The following SLC45A4 variants were observed in gnomAD, a reference collection of about 807,000 sequenced individuals.
SLC45A4 encodes the protein polyamine-transporter SLC45A4.
A neutral mutation model predicts 63.7 loss-of-function variants in SLC45A4; 32 were observed. The ratio of observed to expected loss-of-function variants is 0.50; its 90% CI spans 0.38 to 0.67. The LOEUF is 0.67. Among genes scored for constraint, SLC45A4 ranks in the 30% least tolerant of loss-of-function variants. The pLI, the probability that SLC45A4 is intolerant of heterozygous loss-of-function variation, is 0.00. For synonymous variants in SLC45A4, 535 were observed against 510.0 expected, an observed-to-expected ratio of 1.05 and a Z score of -0.66; for missense variants, 1,027 against 1,157.7, an observed-to-expected ratio of 0.89 and a Z score of 1.64.
chr8:141,259,949 C>T (rs374099087), intron 1 of SLC45A4, among the ~76,000 whole-genome samples: 57 of 152,334 alleles, frequency 3.7e-4, no homozygotes, highest in African/African-American at 1.3e-3. Flanking sequence ...CCATTCCCCA[C>T]CCCACCAGCT....
Position 141,218,837 on chromosome 8 carries a change from T to TC in SLC45A4, c.802dup (p.Glu268GlyfsTer109). On this transcript the variant is annotated frameshift_variant, in exon 5 of 9. Coordinates refer to ENST00000517878, the MANE Select transcript of SLC45A4 (RefSeq NM_001286646.2). LOFTEE classifies it high-confidence loss of function. ...CTCGCCCCCATCCAGGGCGCCGGGC[T>TC]CCTCAGCGCTGCGCTCCTGCTGCGG... 1 of 1,613,168 alleles carries TC rather than the reference T, an allele frequency of 6.2e-7. No homozygotes were observed. Among genetic ancestry groups the TC allele is most frequent in the Non-Finnish European group, 8.5e-7 (1 of 1,179,862 alleles).
rs1269784967 is a variant in SLC45A4 at position 141,271,708 on chromosome 8, T to C, written c.-400-17079A>G. Among the ~76,000 whole-genome samples, 8 of 152,316 alleles carry C rather than the reference T, an allele frequency of 5.3e-5. No homozygotes were observed. The South Asian group carries it at 1.2e-3, about 24-fold the overall frequency. On this transcript the variant is annotated intron_variant, in intron 1 of 8. Coordinates refer to ENST00000517878, the MANE Select transcript of SLC45A4 (RefSeq NM_001286646.2). ...AGCCACTCTCACAGATATGATCATA[T>C]GTCAGGGGAAGTCCGCAGTTCACCA...
At chr8:141,233,604 T>G (rs958618893) in intron 2 of SLC45A4, among the ~76,000 whole-genome samples, 12 of 152,284 alleles carry the variant, frequency 7.9e-5, no homozygotes, top group Non-Finnish European at 1.3e-4. Context: ...CAAGCATTGC[T>G]TGAACCCGGG....
intron 2 of SLC45A4, among the ~76,000 whole-genome samples, chr8:141,228,902 A>G (rs1827188569): frequency 6.6e-6 from 1 of 152,002 alleles, no homozygotes; most frequent in African/African-American, 2.4e-5. Flanking sequence ...ACTCAGAGAA[A>G]AGGCTCTGTC....
chr8:141,249,986 G>A (rs527676570), intron 2 of SLC45A4, among the ~76,000 whole-genome samples: 1 of 152,244 alleles, frequency 6.6e-6, no homozygotes, highest in South Asian at 2.1e-4. Context: ...ACTCTGTAAT[G>A]CTCAGGGTCA....
intron 2 of SLC45A4, among the ~76,000 whole-genome samples, chr8:141,241,912 C>G (rs1827937026): frequency 6.6e-6 from 1 of 152,258 alleles, no homozygotes; most frequent in African/African-American, 2.4e-5. Flanking sequence ...TGCCGGGACA[C>G]AGATGGCAGC....
chr8:141,214,948 C>G (rs1358634773), intron 7 of SLC45A4, among the ~76,000 whole-genome samples: 1 of 152,206 alleles, frequency 6.6e-6, no homozygotes, highest in Non-Finnish European at 1.5e-5. Flanking sequence ...ACGGGCACAA[C>G]AGGAGGTGTT....
chr8:141,293,646 A>G (rs1419925701), intron 1 of SLC45A4, among the ~76,000 whole-genome samples: 1 of 152,134 alleles, frequency 6.6e-6, no homozygotes, highest in Non-Finnish European at 1.5e-5. Context: ...CAAAAAATGG[A>G]AACAGACCGG....
At chr8:141,216,330 T>C (rs987441129) in intron 6 of SLC45A4, among the ~76,000 whole-genome samples, 4 of 152,342 alleles carry the variant, frequency 2.6e-5, no homozygotes, top group African/African-American at 9.6e-5. Flanking sequence ...TCTCCTGATG[T>C]GGGTAGCAGT....
chr8:141,260,881 C>A (rs1829015436), intron 1 of SLC45A4, among the ~76,000 whole-genome samples: 2 of 152,170 alleles, frequency 1.3e-5, no homozygotes. Flanking sequence ...TTTATGAGGC[C>A]AGCATCATCC....
intron 1 of SLC45A4, among the ~76,000 whole-genome samples, chr8:141,284,156 T>C (rs924051770): frequency 6.6e-6 from 1 of 152,248 alleles, no homozygotes; most frequent in Admixed American, 6.5e-5. Flanking sequence ...CTAGATCAAC[T>C]GTCCACCTAG....
At chr8:141,235,677 G>A (rs555513761) in intron 2 of SLC45A4, among the ~76,000 whole-genome samples, 2 of 152,308 alleles carry the variant, frequency 1.3e-5, no homozygotes, top group South Asian at 4.1e-4. Flanking sequence ...AAACTGCTCC[G>A]AGGTAAAAAA....
chr8:141,281,821 G>GAT (rs952476929), intron 1 of SLC45A4, among the ~76,000 whole-genome samples: 29 of 152,162 alleles, frequency 1.9e-4, no homozygotes, highest in African/African-American at 6.8e-4. Context: ...CACTAAAAGG[G>GAT]ATATATTTTT....
At position 141,215,574 on chromosome 8, in the gene SLC45A4, C is replaced by T. The variant is rs1201928492; in HGVS notation, c.1941+185G>A. On this transcript the variant is annotated intron_variant, in intron 7 of 8. Coordinates refer to ENST00000517878, the MANE Select transcript of SLC45A4 (RefSeq NM_001286646.2). The surrounding 1 kb of genome is among the most constrained non-coding windows in gnomAD (Gnocchi z 4.3). Reference sequence around the variant, plus strand: ...GGCTGAAGGAGAAGACCCTTTGTGGCCAGGGACCGATCAGGGGCAGGTGGT... The same window carrying T: ...GGCTGAAGGAGAAGACCCTTTGTGGTCAGGGACCGATCAGGGGCAGGTGGT... 6.6e-6 allele frequency among the ~76,000 whole-genome samples: 1 copy of T among 152,090 alleles called. No individual in the cohort carries two copies. The highest frequency in any genetic ancestry group is 1.5e-5 in the Non-Finnish European group (1 of 68,026).
intron 1 of SLC45A4, among the ~76,000 whole-genome samples, chr8:141,297,481 C>G (rs913261828): frequency 1.2e-4 from 18 of 152,268 alleles, no homozygotes; most frequent in African/African-American, 4.3e-4. Flanking sequence ...CATCACCAGG[C>G]AGAAACCACA....
intron 8 of SLC45A4, 47 bp downstream of exon 8, chr8:141,212,150 G>GCCCACCCGCCCA (rs751708151): frequency 1.1e-6 from 1 of 888,738 alleles, no homozygotes; most frequent in Non-Finnish European, 1.3e-6. Context: ...CCGCCCGCCC[G>GCCCACCCGCCCA]CCCACCCGCC....
chr8:141,229,286 G>A lies in SLC45A4; in HGVS notation c.242-7521C>T, dbSNP rs1589786935. Among the ~76,000 whole-genome samples, 4 of 151,952 alleles carry A rather than the reference G, an allele frequency of 2.6e-5. 1 individual carries two copies. In the East Asian group the frequency reaches 7.8e-4, roughly 30 times the overall value. ...GCTTGCACCTGCCGTGGCGTCCAGG[G>A]CCCTCAAAGTCCTGCCTCATGCCTG... On this transcript the variant is annotated intron_variant, in intron 2 of 8. Transcript: ENST00000517878. The surrounding 1 kb of genome is among the most constrained non-coding windows in gnomAD (Gnocchi z 5.0).
intron 2 of SLC45A4, among the ~76,000 whole-genome samples, chr8:141,236,558 T>C (rs1355163652): frequency 2.6e-5 from 4 of 152,210 alleles, no homozygotes; most frequent in African/African-American, 9.7e-5. Context: ...ACTATTGACA[T>C]AGTTACACAT....
At chr8:141,221,278 A>C (rs1826610568) in intron 3 of SLC45A4, among the ~76,000 whole-genome samples, 1 of 152,274 alleles carries the variant, frequency 6.6e-6, no homozygotes, top group Non-Finnish European at 1.5e-5. Flanking sequence ...AGAACAAAAA[A>C]AGACAAGATA....
Sources: allele counts gnomAD v4.1 joint callset (sites outside exome capture counted in the v4.1 genomes callset), GRCh38; gene constraint gnomAD v4.1.1; non-coding constraint Gnocchi (gnomAD v3.1); transcripts MANE v1.5; gene names NCBI Gene and HGNC (gene_info 2026-07-23, HGNC 2026-07-21).